The following BSCL2 variants were observed in gnomAD, a reference collection of about 807,000 sequenced individuals.
BSCL2 encodes BSCL2 lipid droplet biogenesis associated, seipin, also known as seipin.
Under a neutral mutation model 57.4 loss-of-function variants are expected in BSCL2, and 41 were observed. The ratio of observed to expected loss-of-function variants is 0.71; its 90% CI spans 0.56 to 0.93. The LOEUF (loss-of-function observed/expected upper bound fraction) is 0.93. Among genes scored for constraint, BSCL2 ranks in the 40% least tolerant of loss-of-function variants. The pLI, the probability that BSCL2 is intolerant of heterozygous loss-of-function variation, is 0.00. For missense variants in BSCL2, 539 were observed against 586.7 expected (o/e 0.92, Z 0.84); for synonymous variants, 237 against 227.3 (o/e 1.04, Z -0.38).
chr11:62,706,425 T>A (rs1175793919), intron 1 of BSCL2: 1 of 541,918 alleles, frequency 1.8e-6, no homozygotes, highest in Admixed American at 3.8e-5. Context: ...CTTCCCGAGC[T>A]GCGAGGTCGC....
At chr11:62,708,117 C>T, upstream of BSCL2, 2 of 621,422 alleles carry the variant, frequency 3.2e-6, no homozygotes, top group South Asian at 3.7e-5. Context: ...CTCATCCCAC[C>T]CTATTTTTTT....
rs1945331677 is a variant in BSCL2, at chr11:62,692,277, C to A, written c.863+99G>T. On this transcript the variant is annotated intron_variant, in intron 6 of 10. Coordinates refer to ENST00000360796, the MANE Select transcript of BSCL2 (RefSeq NM_001122955.4). ...CTGGCCTATGTGAAACCCAAGTCAG[C>A]TCTGCTCTGTAAACCCATTACCTCT... The A allele has an allele frequency of 5.5e-6, 7 of 1,269,066 alleles. No homozygotes were observed. In the East Asian group the frequency reaches 1.7e-4, roughly 31 times the overall value. The allele number at this position is 1,269,066 out of a possible 1,614,324, so 78.6% of individuals were successfully genotyped here.
chr11:62,705,877 T>C (rs1331539033), intron 1 of BSCL2: 1 of 499,816 alleles, frequency 2.0e-6, no homozygotes, highest in African/African-American at 1.9e-5. Context: ...ACAAACCACC[T>C]TGATTCTCAT....
chr11:62,690,542 A>G (rs1382982511), intron 10 of BSCL2, 21 bp from the exon 11 acceptor site: 1 of 1,614,138 alleles, frequency 6.2e-7, no homozygotes, highest in East Asian at 2.2e-5. Flanking sequence ...AAAGGGAAAA[A>G]CAAAATCTCA....
chr11:62,693,340 C>A (rs138833011), intron 4 of BSCL2, among the ~76,000 whole-genome samples: 5,578 of 152,062 alleles, frequency 0.037, 339 homozygotes, highest in African/African-American at 0.13. Context: ...CCCACCTCCA[C>A]TAAAAATACA....
intron 1 of BSCL2, chr11:62,705,834 G>C (rs1304184916): frequency 1.3e-5 from 7 of 558,612 alleles, no homozygotes; most frequent in African/African-American, 3.7e-5. Context: ...AATCTCCTCA[G>C]TGGAATTCCT....
chr11:62,698,905 A>G (rs757689707), intron 3 of BSCL2, among the ~76,000 whole-genome samples: 1 of 151,828 alleles, frequency 6.6e-6, no homozygotes, highest in Non-Finnish European at 1.5e-5. Flanking sequence ...ATTTATTATT[A>G]TTATTTATTT....
chr11:62,709,500 A>G (rs1418816969), upstream of BSCL2: 5 of 453,944 alleles, frequency 1.1e-5, no homozygotes, highest in African/African-American at 4.0e-5. Context: ...GTCGTACAGC[A>G]GAGGAACTCT....
intron 4 of BSCL2, among the ~76,000 whole-genome samples, chr11:62,693,316 C>T (rs1050003260): frequency 5.9e-5 from 9 of 152,030 alleles, no homozygotes; most frequent in African/African-American, 1.9e-4. Context: ...CCAGCCTGGT[C>T]AACATGGTGA....
In BSCL2 at chr11:62,692,691, T is replaced by C. The variant is rs765752109; in HGVS notation, c.737A>G (p.Glu246Gly). 6.2e-6 allele frequency: 10 copies of C among 1,614,140 alleles called. No homozygotes were observed. The highest frequency in any genetic ancestry group is 7.6e-6 in the Non-Finnish European group (9 of 1,180,030). Residue 246 changes from glutamate to glycine, a missense_variant, in exon 5 of 11, where the codon GAA becomes GGA. By Grantham distance (98) the Glu-to-Gly change is moderately conservative (BLOSUM62 -2). Around this residue, in one of 3 missense-constraint regions of BSCL2, gnomAD observed 73 missense variants for 122.0 expected, o/e 0.60. Coordinates refer to ENST00000360796, the MANE Select transcript of BSCL2 (RefSeq NM_001122955.4). The stretch of plus-strand genomic sequence containing the variant: ...GTTCTCTCTATAGTCTGCGTAGAGT[T>C]CCACCTCCAGCAGCTGCTTCTGCTC... ...FAEQKQLLEV[E>G]LYADYRENSY...
At chr11:62,708,890 G>C, upstream of BSCL2, 1 of 1,045,300 alleles carries the variant, frequency 9.6e-7, no homozygotes, top group Non-Finnish European at 1.5e-6. Context: ...AGCCCCTTAG[G>C]CTCCTTGCAT....
rs925294616 is a variant in BSCL2 at position 62,690,626 on chromosome 11, G to A, written c.1220C>T (p.Pro407Leu). Residue 407 changes from proline (P) to leucine (L), a missense_variant, in exon 10 of 11, where the codon CCT becomes CTT. Pro to Leu is a moderately conservative substitution (Grantham distance 98, BLOSUM62 -3). This residue lies in a region of BSCL2 where 248 missense variants were observed against 239.9 expected (regional missense o/e 1.03). Coordinates refer to ENST00000360796, the MANE Select transcript of BSCL2 (RefSeq NM_001122955.4). The part of the protein sequence containing the change: ...QPLSGEEELE[P>L]EASDGSGSWE... ...ATGCCCCTCACCATCACTGGCCTCA[G>A]GCTCTAGCTCCTCTTCTCCGCTCAG... 5 of 1,614,008 alleles carry A rather than the reference G, an allele frequency of 3.1e-6. No individual in the cohort carries two copies. The Admixed American group carries it at 5.0e-5, about 16-fold the overall frequency.
At chr11:62,692,186 T>A (rs1204346120) in intron 6 of BSCL2, among the ~76,000 whole-genome samples, 190 bp downstream of exon 6, 1 of 152,056 alleles carries the variant, frequency 6.6e-6, no homozygotes, top group Admixed American at 6.6e-5. Context: ...AAATTAAAAA[T>A]TCTGATGCCT....
At chr11:62,700,550 AG>A (rs746721186) in intron 3 of BSCL2, among the ~76,000 whole-genome samples, 1 of 152,122 alleles carries the variant, frequency 6.6e-6, no homozygotes, top group South Asian at 2.1e-4. Context: ...CTGAGGCAGG[AG>A]AATCGATTGA....
rs1454276433 is a variant in BSCL2, at chr11:62,705,528, G to C, written c.177C>G (p.His59Gln). Residue 59 changes from histidine to glutamine, a missense_variant, in exon 2 of 11, where the codon CAC becomes CAG. This residue lies in a region of BSCL2 where 218 missense variants were observed against 224.8 expected (regional missense o/e 0.97). Coordinates refer to ENST00000360796, the MANE Select transcript of BSCL2 (RefSeq NM_001122955.4). ...RNARPEPGAR[H>Q]PALPAMVNDP... ...CGTTGACCATGGCCGGGAGAGCAGG[G>C]TGTCTGGCCCCAGGTTCAGGCCTTG... 2 of 1,613,068 alleles carry C rather than the reference G, an allele frequency of 1.2e-6. No homozygotes were observed. The highest frequency in any genetic ancestry group is 2.2e-5 in the South Asian group (2 of 91,016).
intron 1 of BSCL2, 38 bp from the exon 2 acceptor site, chr11:62,705,655 C>G: frequency 6.8e-7 from 1 of 1,466,276 alleles, no homozygotes; most frequent in African/African-American, 1.4e-5. Flanking sequence ...TGACTCCTTT[C>G]CCCAGGGAGG....
upstream of BSCL2, chr11:62,708,448 A>G: frequency 1.5e-6 from 2 of 1,350,180 alleles, no homozygotes; most frequent in South Asian, 2.3e-5. Context: ...GCTGTGCTGC[A>G]GGTTCCCAAA....
rs757487399 is a variant in BSCL2 at position 62,692,336 on chromosome 11, G to A, written c.863+40C>T. 13 of 1,595,476 alleles carry A rather than the reference G, an allele frequency of 8.1e-6. 1 individual carries two copies. The East Asian group carries it at 1.1e-4, about 14-fold the overall frequency. On this transcript the variant is annotated intron_variant, in intron 6 of 10. Transcript: ENST00000360796. ...CCCTCTTGGTGGAAGGTTAGCCCCC[G>A]TGAAGAGTTGCCCAAGGTTCACTCC...
upstream of BSCL2, chr11:62,709,502 AG>A (rs572027709): frequency 1.1e-3 from 488 of 454,006 alleles, 4 homozygotes; most frequent in Middle Eastern, 0.012. Flanking sequence ...CGTACAGCAG[AG>A]GAACTCTTAG....
Sources: allele counts gnomAD v4.1 joint callset (sites outside exome capture counted in the v4.1 genomes callset), GRCh38; gene constraint gnomAD v4.1.1; regional missense constraint gnomAD v4.1.1; transcripts MANE v1.5; gene names NCBI Gene and HGNC (gene_info 2026-07-23, HGNC 2026-07-21).